XKR9: variants seen among roughly 807,000 people sequenced by gnomAD.
XKR9 encodes the protein XK related 9, also known as XK-related protein 9.
XKR9 carries 32 observed loss-of-function variants against 32.0 expected under a neutral mutation model. The ratio of observed to expected loss-of-function variants is 1.00; its 90% CI spans 0.76 to 1.34. The LOEUF (loss-of-function observed/expected upper bound fraction) is 1.34. XKR9 is among the 40% of genes most tolerant of loss of function. The probability of loss-of-function intolerance (pLI) is 0.00; values close to 1 mark genes in which losing one functional copy is unlikely to be tolerated. For synonymous variants in XKR9, 168 were observed against 143.4 expected, an observed-to-expected ratio of 1.17 and a Z score of -1.22; for missense variants, 546 against 429.7, an observed-to-expected ratio of 1.27 and a Z score of -2.39.
In XKR9 at chr8:70,695,630, A is replaced by G. The variant is rs967218601; in HGVS notation, c.273-11303A>G. 5.7e-4 allele frequency among the ~76,000 whole-genome samples: 87 copies of G among 152,082 alleles called. 1 individual carries two copies. Among genetic ancestry groups the G allele is most frequent in the Admixed American group, 3.1e-3 (48 of 15,258 alleles). On this transcript the variant is annotated intron_variant, in intron 3 of 4. Coordinates refer to ENST00000408926, the MANE Select transcript of XKR9 (RefSeq NM_001011720.2). ...CTTTGCTATTGTGAATAGTGCTGCA[A>G]TAAACATACGTGTGCATGTGTCTTT...
chr8:71,028,409 A>G, the XKR9 span, among the ~76,000 whole-genome samples: 1 of 152,162 alleles, frequency 6.6e-6, no homozygotes, highest in Non-Finnish European at 1.5e-5. Context: ...GATCTTACTT[A>G]TATGTGAAAT....
At chr8:70,676,220 G>T (rs1017133766) in intron 2 of XKR9, among the ~76,000 whole-genome samples, 1 of 152,232 alleles carries the variant, frequency 6.6e-6, no homozygotes, top group Non-Finnish European at 1.5e-5. Context: ...ACAACAACCA[G>T]ATCTCACTCA....
the XKR9 span, among the ~76,000 whole-genome samples, chr8:70,964,214 T>A: frequency 1.3e-5 from 2 of 152,222 alleles, 1 homozygote; most frequent in Non-Finnish European, 2.9e-5. Context: ...GAACCATTTA[T>A]TAAATAAGGA....
the XKR9 span, among the ~76,000 whole-genome samples, chr8:70,813,732 A>G: frequency 6.6e-6 from 1 of 152,230 alleles, no homozygotes; most frequent in Non-Finnish European, 1.5e-5. Flanking sequence ...GCAAATCAAA[A>G]CCGCAATGAG....
At chr8:70,792,574 G>A (rs561011413), downstream of XKR9, among the ~76,000 whole-genome samples, 79 of 152,160 alleles carry the variant, frequency 5.2e-4, no homozygotes, top group Middle Eastern at 3.4e-3. Context: ...CACAACTCTG[G>A]AACACTGACA....
intron 4 of XKR9, among the ~76,000 whole-genome samples, chr8:70,714,003 T>C (rs906027557): frequency 3.0e-4 from 45 of 152,222 alleles, no homozygotes; most frequent in African/African-American, 9.4e-4. Flanking sequence ...GCCTCTCTTC[T>C]TGGGTTGCAG....
chr8:70,810,218 T>C, the XKR9 span, among the ~76,000 whole-genome samples: 2 of 152,096 alleles, frequency 1.3e-5, no homozygotes, highest in Non-Finnish European at 2.9e-5. Context: ...AGAAATAAAA[T>C]ACTTTACAGA....
chr8:70,840,027 C>T, the XKR9 span, among the ~76,000 whole-genome samples: 12 of 152,224 alleles, frequency 7.9e-5, no homozygotes, highest in African/African-American at 2.4e-4. Flanking sequence ...TATACACTCT[C>T]CTAAAGGTCA....
chr8:70,736,671 C>T (rs1806868949), downstream of XKR9, among the ~76,000 whole-genome samples: 1 of 152,072 alleles, frequency 6.6e-6, no homozygotes, highest in Non-Finnish European at 1.5e-5. Context: ...GATCCAGTTT[C>T]AGCTTTCTAC....
the XKR9 span, among the ~76,000 whole-genome samples, chr8:70,982,570 A>C: frequency 6.6e-6 from 1 of 152,062 alleles, no homozygotes; most frequent in African/African-American, 2.4e-5. Flanking sequence ...CCCTATTTCC[A>C]GGCAGCCAGT....
rs1391674698 is a variant in XKR9, at chr8:70,735,878, GTTGGTTCCAAGTCTTTGCTA to G, written c.*1458_*1477del. On this transcript the variant is annotated 3_prime_UTR_variant, in exon 5 of 5. Transcript: ENST00000408926. The stretch of plus-strand genomic sequence containing the variant: ...CAGTCTATTGTTGTTGGACATTTGG[GTTGGTTCCAAGTCTTTGCTA>G]TTGTGAATAGTGCTGCAATAAACAT... The G allele has an allele frequency of 2.0e-5, 3 of 151,848 alleles. No homozygotes were observed. Among genetic ancestry groups the G allele is most frequent in the Non-Finnish European group, 4.4e-5 (3 of 67,956 alleles). The allele number at this position is 151,848 out of a possible 1,614,324, so 9.4% of individuals were successfully genotyped here.
At chr8:70,793,848 A>G (rs1807795680), downstream of XKR9, among the ~76,000 whole-genome samples, 1 of 151,128 alleles carries the variant, frequency 6.6e-6, no homozygotes, top group African/African-American at 2.4e-5. Flanking sequence ...AACTCCTATA[A>G]TTTCGTAGAA....
the XKR9 span, among the ~76,000 whole-genome samples, chr8:70,916,979 A>T: frequency 6.6e-6 from 1 of 151,212 alleles, no homozygotes; most frequent in East Asian, 1.9e-4. Flanking sequence ...TTTACTGTTG[A>T]TATATTTGAC....
the XKR9 span, among the ~76,000 whole-genome samples, chr8:71,033,032 C>T: frequency 1.1e-4 from 17 of 150,334 alleles, no homozygotes; most frequent in Admixed American, 8.6e-4. Flanking sequence ...TGCAGTGAGC[C>T]GAGATCGTGC....
intron 4 of XKR9, among the ~76,000 whole-genome samples, chr8:70,733,453 C>G (rs763045370): frequency 2.0e-5 from 3 of 151,878 alleles, no homozygotes; most frequent in Non-Finnish European, 4.4e-5. Context: ...ACAGAGTATG[C>G]TTTTTTCAGT....
At chr8:70,975,681 C>A in the XKR9 span, among the ~76,000 whole-genome samples, 4 of 152,170 alleles carry the variant, frequency 2.6e-5, no homozygotes, top group Non-Finnish European at 5.9e-5. Flanking sequence ...AGCGCGATGC[C>A]TCTAGCTTTG....
chr8:70,817,808 G>A, the XKR9 span, among the ~76,000 whole-genome samples: 1 of 152,002 alleles, frequency 6.6e-6, no homozygotes, highest in Non-Finnish European at 1.5e-5. Context: ...AAATAAAGCT[G>A]TACACCTACA....
At chr8:70,700,636 A>C (rs1018515389) in intron 3 of XKR9, among the ~76,000 whole-genome samples, 2 of 152,186 alleles carry the variant, frequency 1.3e-5, no homozygotes, top group Admixed American at 6.5e-5. Context: ...GTCAGGGGTC[A>C]GGGACCCACT....
intron 2 of XKR9, among the ~76,000 whole-genome samples, chr8:70,771,748 T>G (rs1807456564): frequency 6.6e-6 from 1 of 152,174 alleles, no homozygotes; most frequent in African/African-American, 2.4e-5. Flanking sequence ...CCACTAATGA[T>G]ATCTTGTAGC....
Sources: gnomAD v4.1 joint callset for allele counts (sites outside exome capture counted in the v4.1 genomes callset) on GRCh38, gnomAD v4.1.1 for gene constraint, MANE v1.5 for transcripts, NCBI Gene and HGNC (gene_info 2026-07-23, HGNC 2026-07-21) for gene names.